SORCS1: variants seen among roughly 807,000 people sequenced by gnomAD.
SORCS1 encodes VPS10 domain-containing receptor SorCS1.
Under a neutral mutation model 146.1 loss-of-function variants are expected in SORCS1, and 60 were observed. That is an observed-to-expected ratio of 0.41 (90% CI 0.33 to 0.51). The LOEUF is 0.51. SORCS1 is among the 20% of genes least tolerant of loss of function. The pLI is 0.21. For synonymous variants in SORCS1, 637 were observed against 584.0 expected (o/e 1.09, Z -1.31); for missense variants, 1,352 against 1,487.6 (o/e 0.91, Z 1.50).
intron 2 of SORCS1, among the ~76,000 whole-genome samples, chr10:106,858,970 A>C (rs185393210): frequency 3.3e-5 from 5 of 152,156 alleles, no homozygotes; most frequent in Non-Finnish European, 5.9e-5. Context: ...GGCCATCACT[A>C]TTTCTGCTGT....
At chr10:106,929,575 G>A (rs747956093) in intron 2 of SORCS1, among the ~76,000 whole-genome samples, 2 of 152,162 alleles carry the variant, frequency 1.3e-5, no homozygotes, top group African/African-American at 4.8e-5. Context: ...TTCTGGAAAA[G>A]CAGATCAACC....
intron 23 of SORCS1, among the ~76,000 whole-genome samples, chr10:106,601,768 A>G (rs1846256540): frequency 6.6e-6 from 1 of 152,212 alleles, no homozygotes; most frequent in Non-Finnish European, 1.5e-5. Context: ...AAGCATTTCC[A>G]TTCATTACAT....
In SORCS1 at chr10:107,164,080, T is replaced by C; in HGVS notation, c.447A>G (p.Lys149=). 1.2e-6 allele frequency: 2 copies of C among 1,613,864 alleles called. No individual in the cohort carries two copies. Among genetic ancestry groups the C allele is most frequent in the Non-Finnish European group, 8.5e-7 (1 of 1,180,006 alleles). ...EPGTRERDPD[K]ATRFRMEELR... ...GCTCCTCCATCCGGAAGCGGGTGGC[T>C]TTGTCCGGGTCCCGCTCCCGAGTCC... Residue 149 remains lysine (K), a synonymous_variant, in exon 1 of 26, where the codon AAA becomes AAG. Coordinates refer to ENST00000263054, the MANE Select transcript of SORCS1 (RefSeq NM_052918.5). This position sits in a 1 kb window ranked among gnomAD's most constrained non-coding sequence, Gnocchi z 6.8.
intron 17 of SORCS1, among the ~76,000 whole-genome samples, chr10:106,665,013 A>G (rs189447348): frequency 6.6e-6 from 1 of 152,274 alleles, no homozygotes; most frequent in East Asian, 1.9e-4. Flanking sequence ...ACCCATTGCT[A>G]TAAAAGTGTT....
At chr10:106,688,159 T>C (rs756847361) in intron 10 of SORCS1, 33 bp downstream of exon 10, 1 of 1,607,336 alleles carries the variant, frequency 6.2e-7, no homozygotes, top group South Asian at 1.1e-5. Context: ...CCCTCTACTG[T>C]GTGAGGCATT....
At chr10:107,161,446 C>A (rs1421662333) in intron 1 of SORCS1, among the ~76,000 whole-genome samples, 1 of 152,130 alleles carries the variant, frequency 6.6e-6, no homozygotes, top group Non-Finnish European at 1.5e-5. Flanking sequence ...AGTGGATTTC[C>A]CACCCTGGGG....
At chr10:107,039,079 C>T (rs1447126961) in intron 1 of SORCS1, among the ~76,000 whole-genome samples, 1 of 152,088 alleles carries the variant, frequency 6.6e-6, no homozygotes, top group African/African-American at 2.4e-5. Flanking sequence ...CCTGTAATCC[C>T]AGCACTTTGG....
At chr10:106,829,942 G>A (rs2137011357) in intron 2 of SORCS1, among the ~76,000 whole-genome samples, 1 of 152,310 alleles carries the variant, frequency 6.6e-6, no homozygotes, top group South Asian at 2.1e-4. Flanking sequence ...AATTTAAAAA[G>A]ATTAAGAGAT....
intron 14 of SORCS1, among the ~76,000 whole-genome samples, chr10:106,673,973 G>T (rs957009731): frequency 6.6e-6 from 1 of 151,998 alleles, no homozygotes; most frequent in African/African-American, 2.4e-5. Context: ...TGAGAAAAGT[G>T]TAGCTATTAG....
chr10:106,687,910 T>C (rs1852982551), intron 10 of SORCS1, among the ~76,000 whole-genome samples: 1 of 152,174 alleles, frequency 6.6e-6, no homozygotes, highest in Admixed American at 6.5e-5. Context: ...ATAGAAACTG[T>C]CATATTCTCC....
At chr10:106,766,549 G>A (rs1204160350) in intron 4 of SORCS1, among the ~76,000 whole-genome samples, 3 of 152,162 alleles carry the variant, frequency 2.0e-5, no homozygotes, top group Non-Finnish European at 4.4e-5. Context: ...CACAGCATAG[G>A]AGGGGGCCAC....
At chr10:107,074,575 C>G (rs1962723832) in intron 1 of SORCS1, among the ~76,000 whole-genome samples, 1 of 152,152 alleles carries the variant, frequency 6.6e-6, no homozygotes, top group African/African-American at 2.4e-5. Context: ...AGTGCAATTG[C>G]TGGATCATTT....
chr10:106,590,700 G>A (rs1358091531), intron 24 of SORCS1, among the ~76,000 whole-genome samples: 2 of 152,152 alleles, frequency 1.3e-5, no homozygotes, highest in African/African-American at 4.8e-5. Flanking sequence ...TGTTGCCCAG[G>A]CTGGAGTGCA....
intron 1 of SORCS1, among the ~76,000 whole-genome samples, chr10:107,020,437 T>C (rs1296653663): frequency 6.6e-6 from 1 of 152,206 alleles, no homozygotes; most frequent in East Asian, 1.9e-4. Context: ...GTTTGAAGAA[T>C]TTAACTTTTG....
intron 1 of SORCS1, among the ~76,000 whole-genome samples, chr10:106,986,308 A>T (rs1956467819): frequency 6.6e-6 from 1 of 152,200 alleles, no homozygotes; most frequent in Non-Finnish European, 1.5e-5. Flanking sequence ...TAAAAAAATG[A>T]TAAAAATCCC....
intron 2 of SORCS1, among the ~76,000 whole-genome samples, chr10:106,842,584 G>A (rs1332896323): frequency 6.6e-6 from 1 of 151,776 alleles, no homozygotes; most frequent in East Asian, 1.9e-4. Flanking sequence ...TTAAAAAATG[G>A]CTTTAAATAT....
chr10:106,810,925 A>G (rs977768583), intron 3 of SORCS1, among the ~76,000 whole-genome samples: 1 of 151,704 alleles, frequency 6.6e-6, no homozygotes, highest in Non-Finnish European at 1.5e-5. Flanking sequence ...GGACAAATGG[A>G]GAAAAAGGGT....
intron 2 of SORCS1, among the ~76,000 whole-genome samples, chr10:106,944,202 A>G (rs904763959): frequency 6.6e-6 from 1 of 152,172 alleles, no homozygotes; most frequent in Non-Finnish European, 1.5e-5. Context: ...TGAAATTCAT[A>G]TCTCATCAAC....
rs116730603 is a variant in SORCS1, at chr10:106,659,604, T to C, written c.2304-7051A>G. ...TCTAAGATCATCCAACACTATCCTT[T>C]TGCTTTTCACATAAGGAAAAGGAAA... is the stretch of plus-strand genomic sequence containing the variant. On this transcript the variant is annotated intron_variant, in intron 17 of 25. Coordinates refer to ENST00000263054, the MANE Select transcript of SORCS1 (RefSeq NM_052918.5). Among the ~76,000 whole-genome samples, 972 of 152,264 alleles carry C rather than the reference T, an allele frequency of 6.4e-3. 14 individuals are homozygous for C. Among genetic ancestry groups the C allele is most frequent in the African/African-American group, 0.022 (920 of 41,544 alleles).
Sources: allele counts gnomAD v4.1 joint callset (sites outside exome capture counted in the v4.1 genomes callset), GRCh38; gene constraint gnomAD v4.1.1; non-coding constraint Gnocchi (gnomAD v3.1); transcripts MANE v1.5; gene names NCBI Gene and HGNC (gene_info 2026-07-23, HGNC 2026-07-21).